The following DVL3 variants were observed in gnomAD, a reference collection of about 807,000 sequenced individuals.
DVL3 encodes the protein segment polarity protein dishevelled homolog DVL-3.
Under a neutral mutation model 67.4 loss-of-function variants are expected in DVL3, and 27 were observed. The observed-to-expected ratio is 0.40, with a 90% CI of 0.30 to 0.55. The LOEUF (loss-of-function observed/expected upper bound fraction) is 0.55, where lower values mean the gene tolerates loss of function less well. Ranked by LOEUF, DVL3 falls within the 20% of genes least tolerant of loss-of-function variation. The pLI is 0.46. For missense variants in DVL3, 819 were observed against 1,021.5 expected, an observed-to-expected ratio of 0.80 and a Z score of 2.70; for synonymous variants, 369 against 396.8, an observed-to-expected ratio of 0.93 and a Z score of 0.83.
Position 184,167,235 on chromosome 3 carries a change from C to T in DVL3, c.1198+260C>T, listed in dbSNP as rs566053376. 8.5e-5 allele frequency among the ~76,000 whole-genome samples: 13 copies of T among 152,300 alleles called. No homozygotes were observed. The South Asian group carries it at 2.5e-3, about 29-fold the overall frequency. On this transcript the variant is annotated intron_variant, in intron 11 of 14. Coordinates refer to ENST00000313143, the MANE Select transcript of DVL3 (RefSeq NM_004423.4). The surrounding 1 kb of genome is among the most constrained non-coding windows in gnomAD (Gnocchi z 4.6). ...ATGGGACTCACGATATAAACTTTAC[C>T]AGGTTCCTGTGGGTTTAATGAGAGG...
intron 1 of DVL3, among the ~76,000 whole-genome samples, chr3:184,160,898 C>T (rs2109019364): frequency 6.6e-6 from 1 of 152,300 alleles, no homozygotes; most frequent in African/African-American, 2.4e-5. Flanking sequence ...GTCTGAGCTA[C>T]CTCTGTGTCC....
Position 184,167,599 on chromosome 3 carries a change from G to A in DVL3, c.1218G>A (p.Leu406=). 1 of 1,613,894 alleles carries A rather than the reference G, an allele frequency of 6.2e-7. No homozygotes were observed. The highest frequency in any genetic ancestry group is 8.5e-7 in the Non-Finnish European group (1 of 1,180,026). The change falls in exon 12 of 15, where the codon TTG becomes TTA. Residue 406 remains leucine (L), a synonymous_variant. Transcript: ENST00000313143. The surrounding 1 kb of genome is among the most constrained non-coding windows in gnomAD (Gnocchi z 4.6). ...PDTERLDDFH[L]SIHSDMAAIV... is the part of the protein sequence containing the mutation. ...CCCCAGGCCTAGACGACTTCCACTT[G>A]TCCATCCACAGTGACATGGCTGCCA...
In DVL3 at chr3:184,164,133, G is replaced by A. The variant is rs555941274; in HGVS notation, c.232-134G>A. ...GCCACTGTTCATCTCAGCCACCCTC[G>A]CACAGCCCTGTCTTTTCTCCCTCGA... On this transcript the variant is annotated intron_variant, in intron 2 of 14. Coordinates refer to ENST00000313143, the MANE Select transcript of DVL3 (RefSeq NM_004423.4). The surrounding 1 kb of genome is among the most constrained non-coding windows in gnomAD (Gnocchi z 5.3). 1.8e-4 allele frequency: 205 copies of A among 1,126,530 alleles called. 1 individual carries two copies. Among genetic ancestry groups the A allele is most frequent in the Non-Finnish European group, 2.4e-4 (186 of 776,996 alleles). 69.8% of individuals were successfully genotyped at this position (1,126,530 alleles called of 1,614,324 possible). A position where few individuals can be genotyped will look rare whatever the true frequency, so the allele number is the denominator to read the frequency against.
intron 1 of DVL3, among the ~76,000 whole-genome samples, chr3:184,162,874 C>G (rs1714432030): frequency 2.0e-5 from 3 of 152,086 alleles, no homozygotes; most frequent in Admixed American, 2.0e-4. Flanking sequence ...GGAATGTGGT[C>G]ACGGGGCATG....
At position 184,170,876 on chromosome 3, in the gene DVL3, A is replaced by T. The variant is rs778154891; in HGVS notation, c.*121A>T. On this transcript the variant is annotated 3_prime_UTR_variant, in exon 15 of 15. Coordinates refer to ENST00000313143, the MANE Select transcript of DVL3 (RefSeq NM_004423.4). The surrounding 1 kb of genome is among the most constrained non-coding windows in gnomAD (Gnocchi z 6.5). Reference sequence around the variant, plus strand: ...AAGGGAAATAAAAGGAACTAAATCCAGGTGCGCTAACTGCTCGCAGGGTGC... The same window carrying T: ...AAGGGAAATAAAAGGAACTAAATCCTGGTGCGCTAACTGCTCGCAGGGTGC... 1 of 1,550,118 alleles carries T rather than the reference A, an allele frequency of 6.5e-7. No individual in the cohort carries two copies. The highest frequency in any genetic ancestry group is 2.0e-5 in the Admixed American group (1 of 51,032).
At position 184,170,551 on chromosome 3, in the gene DVL3, A is replaced by G. The variant is rs149781565; in HGVS notation, c.1947A>G (p.Thr649=). ...SLASSLRSHH[T]HPSYGPPGVP... ...CCAGCAGCCTTCGCAGCCACCACAC[A>G]CACCCGAGCTACGGTCCTCCCGGAG... Residue 649 remains threonine (T), a synonymous_variant, in exon 15 of 15, where the codon ACA becomes ACG. Coordinates refer to ENST00000313143, the MANE Select transcript of DVL3 (RefSeq NM_004423.4). The surrounding 1 kb of genome is among the most constrained non-coding windows in gnomAD (Gnocchi z 6.5). The G allele has an allele frequency of 5.0e-6, 8 of 1,612,144 alleles. No homozygotes were observed. The highest frequency in any genetic ancestry group is 6.8e-6 in the Non-Finnish European group (8 of 1,179,066).
intron 13 of DVL3, 85 bp from the exon 14 acceptor site, chr3:184,169,921 G>A (rs981578089): frequency 2.4e-6 from 3 of 1,249,500 alleles, no homozygotes; most frequent in Admixed American, 2.3e-5. Context: ...AACTACCACG[G>A]TCTCTCTCAT....
At position 184,164,353 on chromosome 3, in the gene DVL3, G is replaced by T. The variant is rs201100826; in HGVS notation, c.318G>T (p.Thr106=). ...AGCTGCCACCACCTATGGAGCGCAC[G>T]GGAGGCATCGGGGACTCCCGACCCC... ...PSELPPPMER[T]GGIGDSRPPS... Residue 106 remains threonine, a synonymous_variant, in exon 3 of 15, where the codon ACG becomes ACT. Coordinates refer to ENST00000313143, the MANE Select transcript of DVL3 (RefSeq NM_004423.4). This position sits in a 1 kb window ranked among gnomAD's most constrained non-coding sequence, Gnocchi z 5.3. 1 of 1,614,056 alleles carries T rather than the reference G, an allele frequency of 6.2e-7. No individual in the cohort carries two copies. The highest frequency in any genetic ancestry group is 8.5e-7 in the Non-Finnish European group (1 of 1,180,002).
At position 184,170,377 on chromosome 3, in the gene DVL3, G is replaced by A. The variant is rs1232684670; in HGVS notation, c.1773G>A (p.Pro591=). The change falls in exon 15 of 15, where the codon CCG becomes CCA. Residue 591 remains proline (P), a synonymous_variant. Transcript: ENST00000313143. The surrounding 1 kb of genome is among the most constrained non-coding windows in gnomAD (Gnocchi z 6.5). ...GCGATCGGAGGAAGGAGAAGGACCCGAAGGCCGGGGACTCCAAGTCCGGGG... is the reference window on the plus strand; with the variant it reads ...GCGATCGGAGGAAGGAGAAGGACCCAAAGGCCGGGGACTCCAAGTCCGGGG... ...SGSDRRKEKD[P]KAGDSKSGGS... is the part of the protein sequence containing the mutation. 1 of 1,605,306 alleles carries A rather than the reference G, an allele frequency of 6.2e-7. No individual in the cohort carries two copies. The highest frequency in any genetic ancestry group is 8.5e-7 in the Non-Finnish European group (1 of 1,176,248).
In DVL3 at chr3:184,167,713, TGA is replaced by T; in HGVS notation, c.1330+8_1330+9del. ...TTACCATCCCTAATGCTTTCATCGGTGAGAGAGCCCCATGGTGGGATGCAGGG... is the reference window on the plus strand; with the variant it reads ...TTACCATCCCTAATGCTTTCATCGGTGAGAGCCCCATGGTGGGATGCAGGG... On this transcript the variant is annotated splice_donor_region_variant and intron_variant, in intron 12 of 14. Transcript: ENST00000313143. The surrounding 1 kb of genome is among the most constrained non-coding windows in gnomAD (Gnocchi z 4.6). The T allele has an allele frequency of 1.2e-6, 2 of 1,607,432 alleles. No individual in the cohort carries two copies.
chr3:184,168,459 G>A (rs1009578614), intron 13 of DVL3, among the ~76,000 whole-genome samples: 1 of 152,170 alleles, frequency 6.6e-6, no homozygotes, highest in African/African-American at 2.4e-5. Context: ...AGGTAGCCCC[G>A]AGGAGCACAC....
At position 184,163,351 on chromosome 3, in the gene DVL3, T is replaced by TG. The variant is rs1338063764; in HGVS notation, c.162-303dup. Among the ~76,000 whole-genome samples the TG allele has an allele frequency of 1.3e-5, 2 of 152,200 alleles. No homozygotes were observed. The highest frequency in any genetic ancestry group is 2.4e-5 in the African/African-American group (1 of 41,530). On this transcript the variant is annotated intron_variant, in intron 1 of 14. Coordinates refer to ENST00000313143, the MANE Select transcript of DVL3 (RefSeq NM_004423.4). The surrounding 1 kb of genome is among the most constrained non-coding windows in gnomAD (Gnocchi z 4.5). ...TAGCCCAGGAGAGTCATGTTGGGGA[T>TG]GGGTAGAGCACTTTAGAGATTTTAG...
chr3:184,165,484 C>T lies in DVL3; in HGVS notation c.756C>T (p.Leu252=), dbSNP rs772473384. ...TMSLNIITVT[L]NMEKYNFLGI... ...CACTCAACATCATCACGGTCACTCT[C>T]AACATGGGTGAGTCTGAGGAAACAG... The change falls in exon 7 of 15, where the codon CTC becomes CTT. Residue 252 remains leucine, a synonymous_variant. Transcript: ENST00000313143. This position sits in a 1 kb window ranked among gnomAD's most constrained non-coding sequence, Gnocchi z 4.1. The T allele has an allele frequency of 6.2e-7, 1 of 1,613,946 alleles. No homozygotes were observed. The highest frequency in any genetic ancestry group is 8.5e-7 in the Non-Finnish European group (1 of 1,179,852).
rs1157257212 is a variant in DVL3 at position 184,166,217 on chromosome 3, G to T, written c.855G>T (p.Gly285=). The part of the protein sequence containing the change: ...GIYIGSIMKG[G]AVAADGRIEP... ...ACATTGGCTCTATCATGAAGGGTGG[G>T]GCCGTGGCTGCTGATGGACGCATCG... The change falls in exon 8 of 15, where the codon GGG becomes GGT. Residue 285 remains glycine, a synonymous_variant. Coordinates refer to ENST00000313143, the MANE Select transcript of DVL3 (RefSeq NM_004423.4). This position sits in a 1 kb window ranked among gnomAD's most constrained non-coding sequence, Gnocchi z 6.7. 6.2e-7 allele frequency: 1 copy of T among 1,613,184 alleles called. No homozygotes were observed. The highest frequency in any genetic ancestry group is 2.2e-5 in the East Asian group (1 of 44,884).
rs998704462 is a variant in DVL3 at position 184,155,403 on chromosome 3, A to G, written c.-233A>G. On this transcript the variant is annotated 5_prime_UTR_variant, in exon 1 of 15. Coordinates refer to ENST00000313143, the MANE Select transcript of DVL3 (RefSeq NM_004423.4). The surrounding 1 kb of genome is among the most constrained non-coding windows in gnomAD (Gnocchi z 5.4). ...GGCCGGGAGGGCCGCGGCCACCGGAAGAGTCGCGGTCGCCAGTCCAGTCGG... is the reference window on the plus strand; with the variant it reads ...GGCCGGGAGGGCCGCGGCCACCGGAGGAGTCGCGGTCGCCAGTCCAGTCGG... 1.3e-4 allele frequency: 20 copies of G among 151,528 alleles called. No homozygotes were observed. The highest frequency in any genetic ancestry group is 7.2e-5 in the Non-Finnish European group (5 of 69,050). 9.4% of individuals were successfully genotyped at this position (151,528 alleles called of 1,614,324 possible).
chr3:184,163,686 A>G lies in DVL3; in HGVS notation c.191A>G (p.Asn64Ser). The change falls in exon 2 of 15, where the codon AAT becomes AGT. Residue 64 changes from asparagine to serine, a missense_variant. By Grantham distance (46) the Asn-to-Ser change is conservative. Around this residue, in one of 3 missense-constraint regions of DVL3, gnomAD observed 385 missense variants for 486.8 expected, o/e 0.79. Coordinates refer to ENST00000313143, the MANE Select transcript of DVL3 (RefSeq NM_004423.4). This position sits in a 1 kb window ranked among gnomAD's most constrained non-coding sequence, Gnocchi z 4.5. Reference sequence around the variant, plus strand: ...GTGAAGGAGGAGATCTCGGATGACAATGCCAAGCTACCATGCTTCAATGGC... The same window carrying G: ...GTGAAGGAGGAGATCTCGGATGACAGTGCCAAGCTACCATGCTTCAATGGC... The part of the protein sequence containing the change: ...GVVKEEISDD[N>S]AKLPCFNGRV... 1 of 1,613,758 alleles carries G rather than the reference A, an allele frequency of 6.2e-7. No individual in the cohort carries two copies. The highest frequency in any genetic ancestry group is 8.5e-7 in the Non-Finnish European group (1 of 1,179,916).
At position 184,163,619 on chromosome 3, in the gene DVL3, C is replaced by T. The variant is rs1577047535; in HGVS notation, c.162-38C>T. The T allele has an allele frequency of 8.2e-6, 13 of 1,594,556 alleles. No homozygotes were observed. Among genetic ancestry groups the T allele is most frequent in the Middle Eastern group, 1.7e-4 (1 of 6,034 alleles). ...GGATTTGAGGATCCTCCATTTGCACCCTAGAAGGTTCTCTGTGACATCCCC... is the reference window on the plus strand; with the variant it reads ...GGATTTGAGGATCCTCCATTTGCACTCTAGAAGGTTCTCTGTGACATCCCC... On this transcript the variant is annotated intron_variant, in intron 1 of 14. Coordinates refer to ENST00000313143, the MANE Select transcript of DVL3 (RefSeq NM_004423.4). The surrounding 1 kb of genome is among the most constrained non-coding windows in gnomAD (Gnocchi z 4.5).
rs763391088 is a variant in DVL3, at chr3:184,165,095, C to T, written c.600-18C>T. ...AGGGCTGGGCCAGCCTGGTGGGGAA[C>T]GACTGTGGGCCCCACAGGTTCAGCA... On this transcript the variant is annotated intron_variant, in intron 5 of 14. Coordinates refer to ENST00000313143, the MANE Select transcript of DVL3 (RefSeq NM_004423.4). This position sits in a 1 kb window ranked among gnomAD's most constrained non-coding sequence, Gnocchi z 4.1. 41 of 1,613,682 alleles carry T rather than the reference C, an allele frequency of 2.5e-5. No homozygotes were observed. Among genetic ancestry groups the T allele is most frequent in the East Asian group, 4.5e-5 (2 of 44,890 alleles).
At chr3:184,157,300 G>A (rs1714233315) in intron 1 of DVL3, among the ~76,000 whole-genome samples, 3 of 152,160 alleles carry the variant, frequency 2.0e-5, no homozygotes, top group Non-Finnish European at 4.4e-5. Flanking sequence ...GGGTTAGAAG[G>A]GATCAAGCTA....
Sources: gnomAD v4.1 joint callset for allele counts (sites outside exome capture counted in the v4.1 genomes callset) on GRCh38, gnomAD v4.1.1 for gene constraint, gnomAD v4.1.1 regional missense constraint, Gnocchi (gnomAD v3.1) non-coding constraint, MANE v1.5 for transcripts, NCBI Gene and HGNC (gene_info 2026-07-23, HGNC 2026-07-21) for gene names.